Variants in ST6GAL1 observed in about 807,000 individuals in gnomAD.
ST6GAL1 encodes the protein ST6 beta-galactoside alpha-2,6-sialyltransferase 1, also known as beta-galactoside alpha-2,6-sialyltransferase 1.
In ST6GAL1, 20 loss-of-function variants were observed where a neutral mutation model predicts 38.0. The observed-to-expected ratio is 0.53, with a 90% CI of 0.37 to 0.77. ST6GAL1 has a LOEUF of 0.77. Among genes scored for constraint, ST6GAL1 ranks in the 30% least tolerant of loss-of-function variants. The pLI, the probability that ST6GAL1 is intolerant of heterozygous loss-of-function variation, is 0.00. For missense variants in ST6GAL1, 432 were observed against 496.4 expected (o/e 0.87, Z 1.23); for synonymous variants, 196 against 188.2 (o/e 1.04, Z -0.34).
chr3:187,008,430 A>C (rs1033300644), intron 2 of ST6GAL1, among the ~76,000 whole-genome samples: 11 of 152,198 alleles, frequency 7.2e-5, no homozygotes, highest in African/African-American at 2.7e-4. Context: ...TTTCTCATCC[A>C]AAACCATGGT....
intron 2 of ST6GAL1, among the ~76,000 whole-genome samples, chr3:186,994,317 C>G (rs1166845910): frequency 6.6e-6 from 1 of 152,084 alleles, no homozygotes; most frequent in South Asian, 2.1e-4. Context: ...AGGTGTGATC[C>G]CAGTATTTAA....
At chr3:186,994,028 T>TG (rs1716274941) in intron 2 of ST6GAL1, among the ~76,000 whole-genome samples, 3 of 152,234 alleles carry the variant, frequency 2.0e-5, no homozygotes, top group Admixed American at 2.0e-4. Context: ...CTCCTTGCCT[T>TG]CCACATATTT....
chr3:187,059,882 G>A (rs1718850741), intron 5 of ST6GAL1, among the ~76,000 whole-genome samples: 1 of 152,194 alleles, frequency 6.6e-6, no homozygotes, highest in Non-Finnish European at 1.5e-5. Context: ...GAAGAGAGTG[G>A]TCAAGGTACT....
At chr3:186,942,063 G>C (rs1371126342) in intron 1 of ST6GAL1, among the ~76,000 whole-genome samples, 1 of 152,070 alleles carries the variant, frequency 6.6e-6, no homozygotes, top group African/African-American at 2.4e-5. Context: ...GAGGACTTCT[G>C]CATTGCAGAG....
intron 2 of ST6GAL1, among the ~76,000 whole-genome samples, chr3:186,982,540 A>C (rs1262316705): frequency 6.6e-6 from 1 of 152,166 alleles, no homozygotes; most frequent in Non-Finnish European, 1.5e-5. Flanking sequence ...AGGAAGTGAG[A>C]GGAAGGGAGC....
chr3:186,964,801 A>G (rs1715050689), intron 2 of ST6GAL1, among the ~76,000 whole-genome samples: 1 of 152,198 alleles, frequency 6.6e-6, no homozygotes, highest in Non-Finnish European at 1.5e-5. Context: ...TAGATAAGCA[A>G]GCTGCTGGTT....
intron 2 of ST6GAL1, among the ~76,000 whole-genome samples, chr3:187,030,425 T>C (rs1018569022): frequency 6.6e-6 from 1 of 152,136 alleles, no homozygotes; most frequent in African/African-American, 2.4e-5. Context: ...ACTGGGTTTA[T>C]AGTTATTCAT....
intron 2 of ST6GAL1, among the ~76,000 whole-genome samples, chr3:187,023,467 C>A (rs916839382): frequency 6.6e-6 from 1 of 152,150 alleles, no homozygotes; most frequent in African/African-American, 2.4e-5. Context: ...AAGAATGAAC[C>A]TATAGCTTGG....
chr3:186,996,179 G>C (rs1469184051), intron 2 of ST6GAL1, among the ~76,000 whole-genome samples: 1 of 152,190 alleles, frequency 6.6e-6, no homozygotes. Context: ...GGACTAGTCA[G>C]CTGTAGAAGC....
chr3:186,988,838 C>T (rs1215440869), intron 2 of ST6GAL1, among the ~76,000 whole-genome samples: 1 of 151,900 alleles, frequency 6.6e-6, no homozygotes, highest in African/African-American at 2.4e-5. Flanking sequence ...GGCTTGAGTC[C>T]GAGAGGTGGA....
intron 4 of ST6GAL1, 68 bp from the exon 5 acceptor site, chr3:187,051,181 T>C: frequency 2.2e-6 from 3 of 1,334,542 alleles, no homozygotes; most frequent in Non-Finnish European, 3.2e-6. Context: ...CCCCCGCCTC[T>C]CGTCTTTCTC....
chr3:186,960,114 C>T (rs1396063862), intron 1 of ST6GAL1, among the ~76,000 whole-genome samples: 1 of 152,212 alleles, frequency 6.6e-6, no homozygotes, highest in Non-Finnish European at 1.5e-5. Context: ...TCTCCAAATC[C>T]TGGTTCTGGG....
intron 2 of ST6GAL1, among the ~76,000 whole-genome samples, chr3:186,979,222 T>C (rs1471631300): frequency 2.6e-5 from 4 of 151,864 alleles, no homozygotes; most frequent in Non-Finnish European, 4.4e-5. Flanking sequence ...TTAGGTTAGG[T>C]TGGGGGAATT....
At chr3:186,953,832 T>A (rs996053394) in intron 1 of ST6GAL1, among the ~76,000 whole-genome samples, 43 of 151,712 alleles carry the variant, frequency 2.8e-4, no homozygotes, top group African/African-American at 7.7e-4. Context: ...TTTTTAATTT[T>A]ATTTTATTTT....
At chr3:187,005,076 T>C (rs1716737787) in intron 2 of ST6GAL1, among the ~76,000 whole-genome samples, 1 of 151,928 alleles carries the variant, frequency 6.6e-6, no homozygotes, top group African/African-American at 2.4e-5. Context: ...TTTTTAGGTC[T>C]TTCTTTTTTA....
At chr3:187,027,762 T>A (rs981979404) in intron 2 of ST6GAL1, among the ~76,000 whole-genome samples, 2 of 151,886 alleles carry the variant, frequency 1.3e-5, no homozygotes, top group African/African-American at 4.8e-5. Context: ...CGCAAGATGC[T>A]CACAAGCAGT....
rs201212215 is a variant in ST6GAL1 at position 187,074,290 on chromosome 3, C to G, written c.936C>G (p.Ser312=). 11 of 1,606,074 alleles carry G rather than the reference C, an allele frequency of 6.8e-6. No individual in the cohort carries two copies. The East Asian group carries it at 2.2e-4, about 33-fold the overall frequency. The change falls in exon 7 of 8, where the codon TCC becomes TCG. Residue 312 remains serine (S), a synonymous_variant. Coordinates refer to ENST00000169298, the MANE Select transcript of ST6GAL1 (RefSeq NM_173216.2). Reference sequence around the variant, plus strand: ...TATGGGACATTCTTCAAGAAATCTCCCCAGAAGAGATTCAGCCAAACCCCC... The same window carrying G: ...TATGGGACATTCTTCAAGAAATCTCGCCAGAAGAGATTCAGCCAAACCCCC... ...WELWDILQEI[S]PEEIQPNPPS... is the part of the protein sequence containing the mutation.
At chr3:186,995,559 G>T (rs909307318) in intron 2 of ST6GAL1, among the ~76,000 whole-genome samples, 1 of 151,116 alleles carries the variant, frequency 6.6e-6, no homozygotes, top group East Asian at 2.0e-4. Context: ...TTAAAATGCA[G>T]GCTGTGCATG....
intron 1 of ST6GAL1, among the ~76,000 whole-genome samples, chr3:186,943,224 C>A (rs1714239809): frequency 6.6e-6 from 1 of 152,088 alleles, no homozygotes; most frequent in Non-Finnish European, 1.5e-5. Flanking sequence ...AGCTGTTAGC[C>A]TCTGGGAAAT....
Sources: allele counts gnomAD v4.1 joint callset (sites outside exome capture counted in the v4.1 genomes callset), GRCh38; gene constraint gnomAD v4.1.1; transcripts MANE v1.5; gene names NCBI Gene and HGNC (gene_info 2026-07-23, HGNC 2026-07-21).